Variants in USP51 observed in about 807,000 individuals in gnomAD.
USP51 encodes ubiquitin carboxyl-terminal hydrolase 51.
In USP51, 5 loss-of-function variants were observed where a neutral mutation model predicts 17.6. The observed-to-expected ratio is 0.28, with a 90% CI of 0.15 to 0.60. The LOEUF (loss-of-function observed/expected upper bound fraction) is 0.60, where lower values mean the gene tolerates loss of function less well. USP51 is among the 20% of genes least tolerant of loss of function. The pLI is 0.88. For missense variants in USP51, 459 were observed against 559.5 expected, an observed-to-expected ratio of 0.82 and a Z score of 1.81; for synonymous variants, 248 against 216.1, an observed-to-expected ratio of 1.15 and a Z score of -1.29.
Position 55,486,267 on chromosome X carries a change from TA to T in USP51, c.*536del, listed in dbSNP as rs1462527969. 8.9e-6 allele frequency: 1 copy of T among 112,377 alleles called. No individual in the cohort carries two copies. Among genetic ancestry groups the T allele is most frequent in the African/African-American group, 3.2e-5 (1 of 31,096 alleles). The allele number at this position is 112,377 out of a possible 1,213,427, so 9.3% of individuals were successfully genotyped here. On this transcript the variant is annotated 3_prime_UTR_variant, in exon 3 of 3. Coordinates refer to ENST00000500968, the MANE Select transcript of USP51 (RefSeq NM_201286.4). ...AATATTTCTTTTAAAAATAACAACT[TA>T]AATTTTTTTCAACATTTAAAAGTTT...
chrX:55,485,187 G>A lies in USP51; in HGVS notation c.*1617C>T, dbSNP rs1480560725. The A allele has an allele frequency of 1.1e-4, 12 of 111,947 alleles. No homozygotes were observed. The Admixed American group carries it at 1.1e-3, about 11-fold the overall frequency. The allele number at this position is 111,947 out of a possible 1,213,427, so 9.2% of individuals were successfully genotyped here. On this transcript the variant is annotated 3_prime_UTR_variant, in exon 3 of 3. Transcript: ENST00000500968. ...CCATGGGGCTCAAATACCAAAGCCA[G>A]AGCTTCACAGCTGTGATCTAACTTC...
intron 2 of USP51, 90 bp from the exon 3 acceptor site, chrX:55,489,078 A>C: frequency 2.2e-6 from 2 of 890,610 alleles, no homozygotes; most frequent in South Asian, 2.6e-5. Context: ...GACCCCTCCC[A>C]TCGGCCCTTG....
Position 55,486,865 on chromosome X carries a change from T to C in USP51, c.2075A>G (p.Asp692Gly), listed in dbSNP as rs1487361594. The change falls in exon 3 of 3, where the codon GAC (aspartate) becomes GGC (glycine). Residue 692 changes from aspartate to glycine, a missense_variant. Coordinates refer to ENST00000500968, the MANE Select transcript of USP51 (RefSeq NM_201286.4). Reference protein sequence around the residue: ...DAIITKATIEDLLYSEGYLLF... With the variant: ...DAIITKATIEGLLYSEGYLLF... The stretch of plus-strand genomic sequence containing the variant: ...TAAATACCCTTCACTGTAGAGTAAG[T>C]CCTCAATGGTAGCCTTGGTGATGAT... The C allele has an allele frequency of 8.3e-7, 1 of 1,209,748 alleles. No homozygotes were observed. The highest frequency in any genetic ancestry group is 1.8e-5 in the African/African-American group (1 of 57,122).
At position 55,486,290 on chromosome X, in the gene USP51, GT is replaced by G. The variant is rs937852778; in HGVS notation, c.*513del. Reference sequence around the variant, plus strand: ...CTTAAATTTTTTTCAACATTTAAAAGTTTTTTTCTTTTAAAATCTTAAAAAT... The same window carrying G: ...CTTAAATTTTTTTCAACATTTAAAAGTTTTTTCTTTTAAAATCTTAAAAAT... On this transcript the variant is annotated 3_prime_UTR_variant, in exon 3 of 3. Transcript: ENST00000500968. The G allele has an allele frequency of 1.8e-5, 2 of 110,438 alleles. No individual in the cohort carries two copies. Among genetic ancestry groups the G allele is most frequent in the African/African-American group, 6.6e-5 (2 of 30,517 alleles). The allele number at this position is 110,438 out of a possible 1,213,427, so 9.1% of individuals were successfully genotyped here. A position where few individuals can be genotyped will look rare whatever the true frequency, so the allele number is the denominator to read the frequency against.
rs1012382106 is a variant in USP51, at chrX:55,485,744, T to C, written c.*1060A>G. The stretch of plus-strand genomic sequence containing the variant: ...TTAAATTTTTAAATCTTTATTTAAA[T>C]ATTTAAAGTTTTCATTTAAATCTCT... On this transcript the variant is annotated 3_prime_UTR_variant, in exon 3 of 3. Coordinates refer to ENST00000500968, the MANE Select transcript of USP51 (RefSeq NM_201286.4). 3 of 111,190 alleles carry C rather than the reference T, an allele frequency of 2.7e-5. No individual in the cohort carries two copies. The highest frequency in any genetic ancestry group is 9.7e-5 in the African/African-American group (3 of 30,820). 9.2% of individuals were successfully genotyped at this position (111,190 alleles called of 1,213,427 possible). A position where few individuals can be genotyped will look rare whatever the true frequency, so the allele number is the denominator to read the frequency against.
rs2031294544 is a variant in USP51, at chrX:55,485,077, G to C, written c.*1727C>G. 8.9e-6 allele frequency: 1 copy of C among 111,773 alleles called. No homozygotes were observed. 9.2% of individuals were successfully genotyped at this position (111,773 alleles called of 1,213,427 possible). ...CATTGCTCTACTGTGGAAATTAAAG[G>C]TCTTGTTTCTCCTTGGAGGGGGAAG... On this transcript the variant is annotated 3_prime_UTR_variant, in exon 3 of 3. Coordinates refer to ENST00000500968, the MANE Select transcript of USP51 (RefSeq NM_201286.4).
rs1265435112 is a variant in USP51, at chrX:55,488,341, C to T, written c.599G>A (p.Ser200Asn). Residue 200 changes from serine to asparagine, a missense_variant, in exon 3 of 3, where the codon AGC becomes AAC. Physicochemically the swap from Ser to Asn is conservative, Grantham distance 46. Transcript: ENST00000500968. ...CTGCCAGTTCTTACCTACTTTAAAGCTCTCCACATGAGAGCAGCCTGTGGG... is the reference window on the plus strand; with the variant it reads ...CTGCCAGTTCTTACCTACTTTAAAGTTCTCCACATGAGAGCAGCCTGTGGG... The part of the protein sequence containing the change: ...QGPTGCSHVE[S>N]FKVGKNWQKN... 8 of 1,210,428 alleles carry T rather than the reference C, an allele frequency of 6.6e-6. 1 individual carries two copies. Among genetic ancestry groups the T allele is most frequent in the Non-Finnish European group, 7.8e-6 (7 of 895,152 alleles).
rs1236834979 is a variant in USP51 at position 55,485,405 on chromosome X, G to C, written c.*1399C>G. On this transcript the variant is annotated 3_prime_UTR_variant, in exon 3 of 3. Coordinates refer to ENST00000500968, the MANE Select transcript of USP51 (RefSeq NM_201286.4). ...TCAAGAGGGGAAGGTGGGTTAGTTA[G>C]TGTTTAGGCCTTGCAGCCATTTCAC... 3 of 110,620 alleles carry C rather than the reference G, an allele frequency of 2.7e-5. No individual in the cohort carries two copies. Among genetic ancestry groups the C allele is most frequent in the Non-Finnish European group, 5.7e-5 (3 of 52,916 alleles). The allele number at this position is 110,620 out of a possible 1,213,427, so 9.1% of individuals were successfully genotyped here.
At position 55,486,676 on chromosome X, in the gene USP51, T is replaced by C. The variant is rs982587671; in HGVS notation, c.*128A>G. On this transcript the variant is annotated 3_prime_UTR_variant, in exon 3 of 3. Transcript: ENST00000500968. Reference sequence around the variant, plus strand: ...GACCCATGGGCCATGCTAAAATAGGTTCTTTATATCAAGATACTAGCTGTC... The same window carrying C: ...GACCCATGGGCCATGCTAAAATAGGCTCTTTATATCAAGATACTAGCTGTC... 1 of 945,960 alleles carries C rather than the reference T, an allele frequency of 1.1e-6. No homozygotes were observed. The highest frequency in any genetic ancestry group is 3.9e-5 in the Admixed American group (1 of 25,387). The allele number at this position is 945,960 out of a possible 1,213,427, so 78.0% of individuals were successfully genotyped here.
chrX:55,486,746 T>C lies in USP51; in HGVS notation c.*58A>G. The C allele has an allele frequency of 1.6e-5, 18 of 1,147,989 alleles. No homozygotes were observed. The highest frequency in any genetic ancestry group is 2.0e-5 in the Non-Finnish European group (17 of 865,391). The allele number at this position is 1,147,989 out of a possible 1,213,427, so 94.6% of individuals were successfully genotyped here. On this transcript the variant is annotated 3_prime_UTR_variant, in exon 3 of 3. Transcript: ENST00000500968. Reference sequence around the variant, plus strand: ...TGTCCATTCCAAGTAGGTCTGTGTGTCACTTCAAAATCCTTGCCTAATCAT... The same window carrying C: ...TGTCCATTCCAAGTAGGTCTGTGTGCCACTTCAAAATCCTTGCCTAATCAT...
Position 55,487,571 on chromosome X carries a change from T to C in USP51, c.1369A>G (p.Ile457Val). 8.3e-7 allele frequency: 1 copy of C among 1,212,108 alleles called. No homozygotes were observed. The highest frequency in any genetic ancestry group is 1.1e-6 in the Non-Finnish European group (1 of 895,634). The change falls in exon 3 of 3, where the codon ATA (isoleucine) becomes GTA (valine). Residue 457 changes from isoleucine (I) to valine (V), a missense_variant. Ile to Val is a conservative substitution (Grantham distance 29, BLOSUM62 3). Transcript: ENST00000500968. ...CTGTGTCTATGTAGCACGTCTAATA[T>C]TGCAATAAGGAACTCATGGGCATCC... ...QQDAHEFLIA[I>V]LDVLHRHSKD...
In USP51 at chrX:55,485,514, A is replaced by AT. The variant is rs1555939797; in HGVS notation, c.*1289_*1290insA. ...TATCAACATAAAGCTCAAAAAAAAA[A>AT]ATATATATATATATATATACTCACA... On this transcript the variant is annotated 3_prime_UTR_variant, in exon 3 of 3. Transcript: ENST00000500968. 1.1e-3 allele frequency: 112 copies of AT among 105,866 alleles called. No individual in the cohort carries two copies. Among genetic ancestry groups the AT allele is most frequent in the African/African-American group, 3.8e-3 (111 of 29,374 alleles). 8.7% of individuals were successfully genotyped at this position (105,866 alleles called of 1,213,427 possible). A position where few individuals can be genotyped will look rare whatever the true frequency, so the allele number is the denominator to read the frequency against.
chrX:55,488,084 A>C lies in USP51; in HGVS notation c.856T>G (p.Phe286Val), dbSNP rs1004208952. The change falls in exon 3 of 3, where the codon TTC becomes GTC. Residue 286 changes from phenylalanine (F) to valine (V), a missense_variant. Around this residue, in one of 2 missense-constraint regions of USP51, gnomAD observed 227 missense variants for 365.5 expected, o/e 0.62. Coordinates refer to ENST00000500968, the MANE Select transcript of USP51 (RefSeq NM_201286.4). ...TCATATACATAATCCTTACACATGAAGCAATATATGACCCCATGATAAAGG... is the reference window on the plus strand; with the variant it reads ...TCATATACATAATCCTTACACATGACGCAATATATGACCCCATGATAAAGG... ...VDLYHGVIYC[F>V]MCKDYVYDKD... The C allele has an allele frequency of 1.7e-6, 2 of 1,211,893 alleles. No individual in the cohort carries two copies. Among genetic ancestry groups the C allele is most frequent in the Non-Finnish European group, 2.2e-6 (2 of 895,465 alleles).
chrX:55,489,135 C>T lies in USP51; in HGVS notation c.-50+34G>A, dbSNP rs2031384804. The T allele has an allele frequency of 2.5e-5, 13 of 518,231 alleles. No individual in the cohort carries two copies. In the South Asian group the frequency reaches 3.6e-4, roughly 15 times the overall value. The allele number at this position is 518,231 out of a possible 1,213,427, so 42.7% of individuals were successfully genotyped here. A position where few individuals can be genotyped will look rare whatever the true frequency, so the allele number is the denominator to read the frequency against. ...CGGCTCCACCCACTCAACTGAGAGG[C>T]CCCTGGAGCTGATGGGGAGACCGAG... On this transcript the variant is annotated intron_variant, in intron 2 of 2. Coordinates refer to ENST00000500968, the MANE Select transcript of USP51 (RefSeq NM_201286.4).
At position 55,488,781 on chromosome X, in the gene USP51, G is replaced by T. The variant is rs773954160; in HGVS notation, c.159C>A (p.Ala53=). 2 of 1,210,126 alleles carry T rather than the reference G, an allele frequency of 1.7e-6. No individual in the cohort carries two copies. Among genetic ancestry groups the T allele is most frequent in the South Asian group, 1.8e-5 (1 of 56,990 alleles). ...GTAATGGCTCCAGCTTCATCTCCTC[G>T]GCTTCACGTCTCGAAGACGCCTTCG... ...GATKASSRRE[A]EEMKLEPLQE... The change falls in exon 3 of 3, where the codon GCC becomes GCA. Residue 53 remains alanine, a synonymous_variant. Coordinates refer to ENST00000500968, the MANE Select transcript of USP51 (RefSeq NM_201286.4).
In USP51 at chrX:55,484,795, G is replaced by C. The variant is rs920084578; in HGVS notation, c.*2009C>G. ...GGCACAGTGAGAGGAATAAAGAGGG[G>C]AAGAGAGGAACAATTTTCTCATTTA... On this transcript the variant is annotated 3_prime_UTR_variant, in exon 3 of 3. Transcript: ENST00000500968. The C allele has an allele frequency of 9.0e-5, 10 of 111,410 alleles. No homozygotes were observed. Among genetic ancestry groups the C allele is most frequent in the Non-Finnish European group, 1.7e-4 (9 of 53,106 alleles). 9.2% of individuals were successfully genotyped at this position (111,410 alleles called of 1,213,427 possible). A position where few individuals can be genotyped will look rare whatever the true frequency, so the allele number is the denominator to read the frequency against.
At position 55,487,043 on chromosome X, in the gene USP51, T is replaced by C. The variant is rs2031329098; in HGVS notation, c.1897A>G (p.Met633Val). ...TCTGTTGGTGGCTGGCCTTCTTTCA[T>C]TCTGCTCTCTTTAGTAGAGGCCAAA... ...PFLASTKESR[M>V]KEGQPPTDCV... The change falls in exon 3 of 3, where the codon ATG (methionine) becomes GTG (valine). Residue 633 changes from methionine (M) to valine (V), a missense_variant. Met to Val is a conservative substitution (Grantham distance 21). Coordinates refer to ENST00000500968, the MANE Select transcript of USP51 (RefSeq NM_201286.4). 1.7e-6 allele frequency: 2 copies of C among 1,212,100 alleles called. No individual in the cohort carries two copies. The highest frequency in any genetic ancestry group is 1.8e-5 in the South Asian group (1 of 56,988).
rs1170202551 is a variant in USP51, at chrX:55,488,507, T to G, written c.433A>C (p.Arg145=). ...CTGCGCCGGGATCCACGCCAGGCCC[T>G]GGGCCGCGGTGCGGGTGGGGGCGGG... ...PPPPPPAPRP[R]AWRGSRRRSR... is the part of the protein sequence containing the mutation. Residue 145 remains arginine (R), a synonymous_variant, in exon 3 of 3, where the codon AGG becomes CGG. Transcript: ENST00000500968. 1 of 1,073,765 alleles carries G rather than the reference T, an allele frequency of 9.3e-7. No homozygotes were observed. The highest frequency in any genetic ancestry group is 1.2e-6 in the Non-Finnish European group (1 of 819,878). 88.5% of individuals were successfully genotyped at this position (1,073,765 alleles called of 1,213,427 possible).
Position 55,489,006 on chromosome X carries a change from C to T in USP51, c.-49-18G>A. The T allele has an allele frequency of 1.7e-6, 2 of 1,146,251 alleles. No individual in the cohort carries two copies. The highest frequency in any genetic ancestry group is 2.3e-6 in the Non-Finnish European group (2 of 856,871). 94.5% of individuals were successfully genotyped at this position (1,146,251 alleles called of 1,213,427 possible). On this transcript the variant is annotated intron_variant, in intron 2 of 2. Transcript: ENST00000500968. ...AGCTGCGACTGTAGATGAAAGGAGA[C>T]AGAGACTTCTGTGAATGATCTGCCC... is the stretch of plus-strand genomic sequence containing the variant.
Sources: allele counts gnomAD v4.1 joint callset, GRCh38; gene constraint gnomAD v4.1.1; regional missense constraint gnomAD v4.1.1; transcripts MANE v1.5; gene names NCBI Gene and HGNC (gene_info 2026-07-23, HGNC 2026-07-21).